Variants in SLC35D1 observed in about 807,000 individuals in gnomAD.
The protein encoded by SLC35D1 is solute carrier family 35 member D1.
A neutral mutation model predicts 46.7 loss-of-function variants in SLC35D1; 31 were observed. That is an observed-to-expected ratio of 0.66 (90% CI 0.50 to 0.90). The LOEUF (loss-of-function observed/expected upper bound fraction) is 0.90. SLC35D1 is among the 40% of genes least tolerant of loss of function. The pLI is 0.00. For missense variants in SLC35D1, 397 were observed against 426.2 expected (o/e 0.93, Z 0.60); for synonymous variants, 195 against 164.6 (o/e 1.18, Z -1.41).
the SLC35D1 span, chr1:66,986,686 C>G: frequency 2.0e-6 from 1 of 488,950 alleles, no homozygotes. Context: ...TGTACATTCA[C>G]TGTTGTTACA....
chr1:66,985,025 T>C, the SLC35D1 span: 1 of 1,401,122 alleles, frequency 7.1e-7, no homozygotes, highest in Non-Finnish European at 9.3e-7. Context: ...GAGTCTTAAC[T>C]TTAGGAAATG....
At chr1:67,053,681 G>A (rs975257012) in intron 1 of SLC35D1, 130 bp downstream of exon 1, 6 of 894,246 alleles carry the variant, frequency 6.7e-6, no homozygotes, top group Non-Finnish European at 7.4e-6. Context: ...TCAGCCGCCC[G>A]CCCTCCCCAG....
At chr1:67,041,682 G>A (rs538862154) in intron 8 of SLC35D1, among the ~76,000 whole-genome samples, 2 of 151,976 alleles carry the variant, frequency 1.3e-5, no homozygotes, top group Non-Finnish European at 2.9e-5. Flanking sequence ...ACTCTATGCT[G>A]TATTTATTTA....
chr1:66,997,281 C>A (rs1219441809), downstream of SLC35D1, among the ~76,000 whole-genome samples: 3 of 151,920 alleles, frequency 2.0e-5, no homozygotes, highest in African/African-American at 7.3e-5. Context: ...GAGACCCAGG[C>A]AGGCAGATTG....
intron 6 of SLC35D1, among the ~76,000 whole-genome samples, 157 bp from the exon 7 acceptor site, chr1:67,047,524 A>C (rs1030554773): frequency 2.0e-5 from 3 of 152,240 alleles, no homozygotes; most frequent in Admixed American, 2.0e-4. Context: ...TTCTGGTCAT[A>C]GTTTGCAATT....
At chr1:67,021,760 G>T (rs905239216) in intron 8 of SLC35D1, among the ~76,000 whole-genome samples, 158 bp from the exon 9 acceptor site, 3 of 135,050 alleles carry the variant, frequency 2.2e-5, no homozygotes, top group South Asian at 4.8e-4. Flanking sequence ...CACACACACA[G>T]GTATATGTTT....
intron 10 of SLC35D1, among the ~76,000 whole-genome samples, chr1:67,016,095 T>C (rs1056596667): frequency 6.6e-6 from 1 of 152,106 alleles, no homozygotes; most frequent in Non-Finnish European, 1.5e-5. Context: ...AAAATGGTGC[T>C]TAACTTTCTC....
Position 67,049,853 on chromosome 1 carries a change from A to G in SLC35D1, c.465-3T>C, listed in dbSNP as rs977677230. 1 of 1,611,180 alleles carries G rather than the reference A, an allele frequency of 6.2e-7. No homozygotes were observed. Among genetic ancestry groups the G allele is most frequent in the African/African-American group, 1.3e-5 (1 of 74,962 alleles). ...TAATACCCCAAGAAAAAGTCTTCCT[A>G]CAAAACAAAAAATTTTAAAATACAC... On this transcript the variant is annotated splice_polypyrimidine_tract_variant and splice_region_variant and intron_variant, in intron 5 of 11. Coordinates refer to ENST00000235345, the MANE Select transcript of SLC35D1 (RefSeq NM_015139.3).
chr1:66,995,225 A>C (rs1225404999), downstream of SLC35D1, among the ~76,000 whole-genome samples: 1 of 151,954 alleles, frequency 6.6e-6, no homozygotes, highest in East Asian at 1.9e-4. Context: ...CCAGTGGGCT[A>C]AGTCTAGCTG....
At chr1:67,008,995 T>C (rs1444655127) in intron 11 of SLC35D1, 90 bp downstream of exon 11, 3 of 652,512 alleles carry the variant, frequency 4.6e-6, no homozygotes, top group East Asian at 6.1e-5. Flanking sequence ...AATGAATAAA[T>C]GTTCCATTAA....
chr1:67,046,306 C>T (rs2102358562), intron 7 of SLC35D1, among the ~76,000 whole-genome samples: 1 of 152,242 alleles, frequency 6.6e-6, no homozygotes, highest in Non-Finnish European at 1.5e-5. Context: ...GCAGGTAGGA[C>T]ACTTGTATTT....
In SLC35D1 at chr1:67,042,265, T is replaced by G; in HGVS notation, c.700A>C (p.Ile234Leu). The change falls in exon 8 of 12, where the codon ATT becomes CTT. Residue 234 changes from isoleucine (I) to leucine (L), a missense_variant. Physicochemically the swap from Ile to Leu is conservative, Grantham distance 5 (BLOSUM62 2). Coordinates refer to ENST00000235345, the MANE Select transcript of SLC35D1 (RefSeq NM_015139.3). ...ALFMILPTLA[I>L]AYFTGDAQKA... is the part of the protein sequence containing the mutation. ...TGTGCATCTCCTGTGAAATACGCAA[T>G]GGCCAGGGTGGGCAGAATCATGAAC... 6.2e-7 allele frequency: 1 copy of G among 1,614,196 alleles called. No homozygotes were observed. The highest frequency in any genetic ancestry group is 8.5e-7 in the Non-Finnish European group (1 of 1,180,016).
At chr1:67,016,301 T>C (rs1268082267) in intron 10 of SLC35D1, among the ~76,000 whole-genome samples, 1 of 152,134 alleles carries the variant, frequency 6.6e-6, no homozygotes, top group Non-Finnish European at 1.5e-5. Context: ...TGACAATCAT[T>C]GTTTTACTTT....
chr1:67,017,836 TA>T (rs1310093207), intron 10 of SLC35D1, among the ~76,000 whole-genome samples: 1 of 152,180 alleles, frequency 6.6e-6, no homozygotes, highest in African/African-American at 2.4e-5. Flanking sequence ...GGACTATGAC[TA>T]AAAAAGATAT....
Position 67,012,636 on chromosome 1 carries a change from G to A in SLC35D1, c.877-3469C>T, listed in dbSNP as rs567226998. 7.4e-5 allele frequency among the ~76,000 whole-genome samples: 11 copies of A among 148,522 alleles called. No individual in the cohort carries two copies. In the South Asian group the frequency reaches 1.3e-3, roughly 17 times the overall value. On this transcript the variant is annotated intron_variant, in intron 10 of 11. Transcript: ENST00000235345. Reference sequence around the variant, plus strand: ...ATTTTTTTTTAGAAGACACACAATAGTGTCATGGTTAGTCTTACAAATTTT... The same window carrying A: ...ATTTTTTTTTAGAAGACACACAATAATGTCATGGTTAGTCTTACAAATTTT...
chr1:66,979,756 G>A, the SLC35D1 span, among the ~76,000 whole-genome samples: 2 of 149,172 alleles, frequency 1.3e-5, no homozygotes, highest in Non-Finnish European at 3.0e-5. Context: ...TGTTTCCTTT[G>A]CCTTGGCTTT....
chr1:67,048,375 A>G (rs2102364519), intron 6 of SLC35D1, among the ~76,000 whole-genome samples: 1 of 152,348 alleles, frequency 6.6e-6, no homozygotes, highest in East Asian at 1.9e-4. Context: ...ATCAGCTTCA[A>G]GGAAATGTTT....
the SLC35D1 span, among the ~76,000 whole-genome samples, chr1:66,983,823 G>C: frequency 6.6e-6 from 1 of 152,192 alleles, no homozygotes; most frequent in Non-Finnish European, 1.5e-5. Context: ...CGCCTCCTGG[G>C]TTCAAGTGAT....
downstream of SLC35D1, among the ~76,000 whole-genome samples, chr1:66,994,950 T>TA (rs1667222913): frequency 1.3e-5 from 2 of 150,688 alleles, no homozygotes; most frequent in South Asian, 2.1e-4. Flanking sequence ...GAAACAACTT[T>TA]AAAAAAAAGA....
Sources: gnomAD v4.1 joint callset for allele counts (sites outside exome capture counted in the v4.1 genomes callset) on GRCh38, gnomAD v4.1.1 for gene constraint, MANE v1.5 for transcripts, NCBI Gene and HGNC (gene_info 2026-07-23, HGNC 2026-07-21) for gene names.